DBR1: variants seen among roughly 807,000 people sequenced by gnomAD.
The protein encoded by DBR1 is debranching RNA lariats 1, also known as lariat debranching enzyme.
In DBR1, 33 loss-of-function variants were observed where a neutral mutation model predicts 45.9. The ratio of observed to expected loss-of-function variants is 0.72; its 90% CI spans 0.55 to 0.96. DBR1 has a LOEUF of 0.96. DBR1 is among the 40% of genes least tolerant of loss of function. The pLI is 0.00. For synonymous variants in DBR1, 235 were observed against 235.9 expected (o/e 1.00, Z 0.04); for missense variants, 619 against 667.4 (o/e 0.93, Z 0.80).
Position 138,162,311 on chromosome 3 carries a change from T to G in DBR1, c.1213A>C (p.Asn405His), listed in dbSNP as rs149959691. ...TCACTCTGGTCTTCTCCAGAGTCAT[T>G]ACTCTCCACATCATCCTGTTCTTCA... ...EYEEQDDVESNDSGEDQSEYN... is the reference protein window; with the variant it reads ...EYEEQDDVESHDSGEDQSEYN... The change falls in exon 8 of 8, where the codon AAT becomes CAT. Residue 405 changes from asparagine (N) to histidine (H), a missense_variant. Around this residue, in one of 3 missense-constraint regions of DBR1, gnomAD observed 182 missense variants for 196.1 expected, o/e 0.93. Coordinates refer to ENST00000260803, the MANE Select transcript of DBR1 (RefSeq NM_016216.4). 3.1e-6 allele frequency: 5 copies of G among 1,614,112 alleles called. No homozygotes were observed. Among genetic ancestry groups the G allele is most frequent in the Non-Finnish European group, 4.2e-6 (5 of 1,180,048 alleles).
chr3:138,162,488 C>T lies in DBR1; in HGVS notation c.1036G>A (p.Ala346Thr). Residue 346 changes from alanine (A) to threonine (T), a missense_variant, in exon 8 of 8, where the codon GCT (alanine) becomes ACT (threonine). Physicochemically the swap from Ala to Thr is moderately conservative, Grantham distance 58. Coordinates refer to ENST00000260803, the MANE Select transcript of DBR1 (RefSeq NM_016216.4). ...TGTGGCTTGCTAGGATCATAACAAG[C>T]AGCTGTTACACTAAAGTTACATGGA... ...KVPCNFSVTA[A>T]CYDPSKPQTQ... is the part of the protein sequence containing the mutation. 6.2e-7 allele frequency: 1 copy of T among 1,614,154 alleles called. No homozygotes were observed. Among genetic ancestry groups the T allele is most frequent in the Non-Finnish European group, 8.5e-7 (1 of 1,180,014 alleles).
chr3:138,167,877 G>T (rs2042937699), intron 4 of DBR1, among the ~76,000 whole-genome samples: 1 of 152,044 alleles, frequency 6.6e-6, no homozygotes, highest in African/African-American at 2.4e-5. Flanking sequence ...AACCCAGGAG[G>T]TGGAGGTTGC....
At position 138,162,296 on chromosome 3, in the gene DBR1, C is replaced by T. The variant is rs2042911503; in HGVS notation, c.1228G>A (p.Asp410Asn). ...DDVESNDSGE[D>N]QSEYNTDTSA... The stretch of plus-strand genomic sequence containing the variant: ...GTGTCTGTATTATATTCACTCTGGT[C>T]TTCTCCAGAGTCATTACTCTCCACA... The change falls in exon 8 of 8, where the codon GAC becomes AAC. Residue 410 changes from aspartate to asparagine, a missense_variant. Asp to Asn is a conservative substitution (Grantham distance 23). Transcript: ENST00000260803. 2 of 1,614,032 alleles carry T rather than the reference C, an allele frequency of 1.2e-6. No individual in the cohort carries two copies. The highest frequency in any genetic ancestry group is 1.7e-6 in the Non-Finnish European group (2 of 1,179,880).
Position 138,174,582 on chromosome 3 carries a change from C to T in DBR1, c.197+17G>A. On this transcript the variant is annotated intron_variant, in intron 1 of 7. Transcript: ENST00000260803. ...CCACCCCCCCACCGCCAAGTCCGGG[C>T]CCGGCCGCGTCCTCACCTGTAGAAG... The T allele has an allele frequency of 1.4e-6, 2 of 1,388,472 alleles. No individual in the cohort carries two copies. The highest frequency in any genetic ancestry group is 1.2e-5 in the South Asian group (1 of 85,118). 86.0% of individuals were successfully genotyped at this position (1,388,472 alleles called of 1,614,324 possible).
chr3:138,163,491 A>G lies in DBR1; in HGVS notation c.799T>C (p.Leu267=), dbSNP rs1203369533. 1.3e-6 allele frequency: 2 copies of G among 1,587,964 alleles called. No individual in the cohort carries two copies. Among genetic ancestry groups the G allele is most frequent in the Admixed American group, 3.4e-5 (2 of 59,354 alleles). Residue 267 remains leucine, a synonymous_variant, in exon 7 of 8, where the codon TTA becomes CTA. Coordinates refer to ENST00000260803, the MANE Select transcript of DBR1 (RefSeq NM_016216.4). Reference sequence around the variant, plus strand: ...GCACTGGGGTCATGTTCTATCTCTAATATCTACAGGATGAAATCAATGTTA... The same window carrying G: ...GCACTGGGGTCATGTTCTATCTCTAGTATCTACAGGATGAAATCAATGTTA... ...CLPHRDFLQI[L]EIEHDPSAPD... is the part of the protein sequence containing the mutation.
At chr3:138,164,922 C>T (rs1258359054) in intron 5 of DBR1, among the ~76,000 whole-genome samples, 2 of 152,156 alleles carry the variant, frequency 1.3e-5, no homozygotes, top group African/African-American at 4.8e-5. Context: ...GCTGGGATTA[C>T]AGGCATGAGC....
intron 3 of DBR1, chr3:138,171,210 G>A (rs1026465005): frequency 3.9e-5 from 6 of 152,494 alleles, no homozygotes; most frequent in Non-Finnish European, 7.3e-5. Flanking sequence ...GGTAGCTTAC[G>A]CCTGTAATCC....
At position 138,173,485 on chromosome 3, in the gene DBR1, C is replaced by A. The variant is rs759385781; in HGVS notation, c.322+17G>T. 2 of 1,612,332 alleles carry A rather than the reference C, an allele frequency of 1.2e-6. No individual in the cohort carries two copies. ...CCATCCCAGGAAAAAAAAGTATCCACAAACACAATCACATACCTAAATAAT... is the reference window on the plus strand; with the variant it reads ...CCATCCCAGGAAAAAAAAGTATCCAAAAACACAATCACATACCTAAATAAT... On this transcript the variant is annotated intron_variant, in intron 2 of 7. Transcript: ENST00000260803.
At chr3:138,162,610 T>A (rs1403533476) in intron 7 of DBR1, 28 bp from the exon 8 acceptor site, 1 of 1,556,722 alleles carries the variant, frequency 6.4e-7, no homozygotes, top group East Asian at 2.3e-5. Flanking sequence ...AATAGCTTTT[T>A]ACATTTTATC....
chr3:138,164,701 C>G lies in DBR1; in HGVS notation c.715-843G>C, dbSNP rs2042922500. Among the ~76,000 whole-genome samples, 4 of 152,202 alleles carry G rather than the reference C, an allele frequency of 2.6e-5. No homozygotes were observed. The South Asian group carries it at 8.3e-4, about 31-fold the overall frequency. On this transcript the variant is annotated intron_variant, in intron 5 of 7. Transcript: ENST00000260803. ...TTACTCTGTCGTCCAGGTTGGAGTG[C>G]AGTGGCACGATCTTGACTCACGGCA...
In DBR1 at chr3:138,170,184, C is replaced by T; in HGVS notation, c.412G>A (p.Glu138Lys). Residue 138 changes from glutamate to lysine, a missense_variant, in exon 4 of 8, where the codon GAG becomes AAG. This residue lies in a region of DBR1 where 430 missense variants were observed against 447.7 expected (regional missense o/e 0.96). Transcript: ENST00000260803. ...GTAGATGAATTATAAGGGGGGCACT[C>T]AAAATGACCTTAGATTGAAGCAGAA... ...KSHDYRKGHF[E>K]CPPYNSSTIR... 1.3e-6 allele frequency: 2 copies of T among 1,582,336 alleles called. No individual in the cohort carries two copies. The highest frequency in any genetic ancestry group is 1.7e-6 in the Non-Finnish European group (2 of 1,160,836).
rs968910569 is a variant in DBR1, at chr3:138,161,219, C to T, written c.*670G>A. On this transcript the variant is annotated 3_prime_UTR_variant, in exon 8 of 8. Transcript: ENST00000260803. ...TACATCAAAATGTTTACAGTGATAA[C>T]AAGTCCTTGGAGGCAAAAATCCTTG... The T allele has an allele frequency of 5.3e-5, 8 of 151,988 alleles. No individual in the cohort carries two copies. Among genetic ancestry groups the T allele is most frequent in the Non-Finnish European group, 1.0e-4 (7 of 68,026 alleles). The allele number at this position is 151,988 out of a possible 1,614,324, so 9.4% of individuals were successfully genotyped here.
At chr3:138,171,373 G>A in intron 3 of DBR1, 2 of 252,778 alleles carry the variant, frequency 7.9e-6, no homozygotes, top group Non-Finnish European at 1.5e-5. Context: ...TACTCAGGAG[G>A]CTGAGGCAGG....
chr3:138,172,114 A>G (rs968298203), intron 2 of DBR1, among the ~76,000 whole-genome samples: 1 of 152,230 alleles, frequency 6.6e-6, no homozygotes, highest in Non-Finnish European at 1.5e-5. Flanking sequence ...TACAGCTTCT[A>G]GTTTCATTTC....
chr3:138,166,119 A>G (rs765490800), intron 5 of DBR1, among the ~76,000 whole-genome samples: 2 of 152,214 alleles, frequency 1.3e-5, no homozygotes, highest in African/African-American at 4.8e-5. Flanking sequence ...CCATTAGTGC[A>G]ATAAAGACTC....
chr3:138,174,177 A>G (rs2042967985), intron 1 of DBR1, among the ~76,000 whole-genome samples: 1 of 152,140 alleles, frequency 6.6e-6, no homozygotes, highest in South Asian at 2.1e-4. Flanking sequence ...TAGAACCACA[A>G]CAAGCACATA....
chr3:138,162,205 A>G lies in DBR1; in HGVS notation c.1319T>C (p.Ile440Thr), dbSNP rs764987092. ...ATTCATGCCACTATGTGCACTTACA[A>G]TACTATCTTCATCTTCTTCTTCATC... ...MLDEEEDEDS[I>T]VSAHSGMNTP... Residue 440 changes from isoleucine to threonine, a missense_variant, in exon 8 of 8, where the codon ATT (isoleucine) becomes ACT (threonine). Coordinates refer to ENST00000260803, the MANE Select transcript of DBR1 (RefSeq NM_016216.4). 3 of 1,614,166 alleles carry G rather than the reference A, an allele frequency of 1.9e-6. No homozygotes were observed. The South Asian group carries it at 3.3e-5, about 18-fold the overall frequency.
chr3:138,174,851 C>G lies in DBR1; in HGVS notation c.-56G>C, dbSNP rs528249507. The stretch of plus-strand genomic sequence containing the variant: ...GCAACGCCCTACACCACAGCCAGCC[C>G]AGGACCGACTGATCGCTCAGCTCCC... On this transcript the variant is annotated 5_prime_UTR_variant, in exon 1 of 8. Coordinates refer to ENST00000260803, the MANE Select transcript of DBR1 (RefSeq NM_016216.4). The G allele has an allele frequency of 6.5e-7, 1 of 1,544,660 alleles. No individual in the cohort carries two copies. Among genetic ancestry groups the G allele is most frequent in the East Asian group, 2.3e-5 (1 of 43,160 alleles).
intron 5 of DBR1, chr3:138,164,072 A>G: frequency 2.7e-6 from 1 of 374,246 alleles, no homozygotes; most frequent in Non-Finnish European, 4.9e-6. Flanking sequence ...CAATTTCCAT[A>G]CAAAATTCAA....
Sources: allele counts gnomAD v4.1 joint callset (sites outside exome capture counted in the v4.1 genomes callset), GRCh38; gene constraint gnomAD v4.1.1; regional missense constraint gnomAD v4.1.1; transcripts MANE v1.5; gene names NCBI Gene and HGNC (gene_info 2026-07-23, HGNC 2026-07-21).